Variants in ZNF423 observed in about 807,000 individuals in gnomAD.
The protein encoded by ZNF423 is zinc finger protein 423, also known as Ebf-associated zinc finger protein.
ZNF423 carries 12 observed loss-of-function variants against 95.8 expected under a neutral mutation model. The ratio of observed to expected loss-of-function variants is 0.13; its 90% CI spans 0.08 to 0.20. The LOEUF (loss-of-function observed/expected upper bound fraction) is 0.20, where lower values mean the gene tolerates loss of function less well. ZNF423 is among the 10% of genes least tolerant of loss of function. ZNF423 has a pLI of 1.00. For missense variants in ZNF423, 1,316 were observed against 1,737.1 expected (o/e 0.76, Z 4.31); for synonymous variants, 749 against 711.9 (o/e 1.05, Z -0.83).
intron 2 of ZNF423, among the ~76,000 whole-genome samples, chr16:49,766,019 G>A (rs940502623): frequency 6.6e-6 from 1 of 152,202 alleles, no homozygotes; most frequent in African/African-American, 2.4e-5. Context: ...AGCTGCACGA[G>A]AATGTGAATG....
intron 3 of ZNF423, among the ~76,000 whole-genome samples, chr16:49,672,642 C>A (rs993046567): frequency 1.3e-5 from 2 of 152,110 alleles, no homozygotes; most frequent in African/African-American, 2.4e-5. Flanking sequence ...CATGGCGAAA[C>A]CTGTCTCTAC....
intron 7 of ZNF423, chr16:49,517,791 G>A (rs914354662): frequency 3.4e-5 from 12 of 354,636 alleles, no homozygotes; most frequent in Admixed American, 8.3e-5. Flanking sequence ...TCTGTGACTC[G>A]TTGTTGTTCC....
At chr16:49,668,388 C>T (rs1049923256) in intron 3 of ZNF423, among the ~76,000 whole-genome samples, 1 of 152,198 alleles carries the variant, frequency 6.6e-6, no homozygotes, top group African/African-American at 2.4e-5. Flanking sequence ...GGGACTCCTA[C>T]CTTCCTTGCC....
intron 1 of ZNF423, among the ~76,000 whole-genome samples, chr16:49,806,315 G>A (rs755791722): frequency 6.6e-6 from 1 of 152,248 alleles, no homozygotes; most frequent in African/African-American, 2.4e-5. Context: ...GGGCACATCA[G>A]CCTGGGGCCC....
In ZNF423 at chr16:49,842,406, AAGGAAGGCAGGC is replaced by A. The variant is rs1328939589; in HGVS notation, c.40+13317_40+13328del. On this transcript the variant is annotated intron_variant, in intron 1 of 7. Coordinates refer to ENST00000563137, the MANE Select transcript of ZNF423 (RefSeq NM_001379286.1). ...GAAGGAAGGAAGGAAGGAAGGAAGGAAGGAAGGCAGGCAGGCAGGCAGGCAGGCAGGCAGGCA... is the reference window on the plus strand; with the variant it reads ...GAAGGAAGGAAGGAAGGAAGGAAGGAAGGCAGGCAGGCAGGCAGGCAGGCA... 3.8e-3 allele frequency among the ~76,000 whole-genome samples: 337 copies of A among 88,324 alleles called. 1 individual carries two copies. The highest frequency in any genetic ancestry group is 7.5e-3 in the African/African-American group (208 of 27,636). 57.9% of individuals were successfully genotyped at this position (88,324 alleles called of 152,430 possible).
intron 3 of ZNF423, 98 bp downstream of exon 3, chr16:49,730,673 A>AT: frequency 1.6e-6 from 2 of 1,275,942 alleles, no homozygotes; most frequent in Non-Finnish European, 2.3e-6. Flanking sequence ...GTAAAATTAC[A>AT]TTATTAATTC....
At chr16:49,657,086 C>G (rs1567271088) in intron 3 of ZNF423, among the ~76,000 whole-genome samples, 1 of 152,200 alleles carries the variant, frequency 6.6e-6, no homozygotes, top group African/African-American at 2.4e-5. Context: ...GGTGGCCTCC[C>G]GTGGAGCCCA....
At chr16:49,829,773 C>T (rs1183651947) in intron 1 of ZNF423, among the ~76,000 whole-genome samples, 1 of 152,126 alleles carries the variant, frequency 6.6e-6, no homozygotes, top group Non-Finnish European at 1.5e-5. Context: ...CTTGTTCTTC[C>T]TCAAAGAACA....
At chr16:49,601,192 G>A (rs1033070408) in intron 5 of ZNF423, among the ~76,000 whole-genome samples, 3 of 152,158 alleles carry the variant, frequency 2.0e-5, no homozygotes, top group African/African-American at 7.2e-5. Flanking sequence ...TCCAAATTGG[G>A]GACAATGTGG....
At chr16:49,595,289 G>A (rs1446838473) in intron 5 of ZNF423, among the ~76,000 whole-genome samples, 1 of 152,190 alleles carries the variant, frequency 6.6e-6, no homozygotes, top group African/African-American at 2.4e-5. Flanking sequence ...CTGGGACATT[G>A]TCCCTGGACA....
chr16:49,742,224 C>T (rs954927095), intron 2 of ZNF423, among the ~76,000 whole-genome samples: 9 of 152,014 alleles, frequency 5.9e-5, no homozygotes, highest in African/African-American at 2.2e-4. Flanking sequence ...CCACAAAATC[C>T]CCGGAAGGTA....
intron 3 of ZNF423, chr16:49,707,902 T>G (rs2032407895): frequency 6.6e-6 from 1 of 152,484 alleles, no homozygotes; most frequent in Non-Finnish European, 1.5e-5. Flanking sequence ...AACCTCCACC[T>G]CCCAGGTTCA....
chr16:49,790,044 G>A (rs2034387143), intron 1 of ZNF423, among the ~76,000 whole-genome samples: 1 of 152,176 alleles, frequency 6.6e-6, no homozygotes, highest in Non-Finnish European at 1.5e-5. Flanking sequence ...AAGCTGGGCA[G>A]AGATAGGGTG....
intron 1 of ZNF423, among the ~76,000 whole-genome samples, chr16:49,834,749 G>A (rs954472707): frequency 6.6e-6 from 1 of 152,118 alleles, no homozygotes; most frequent in Non-Finnish European, 1.5e-5. Context: ...GGCCGGGCCG[G>A]CTCAGCCTGC....
At position 49,659,451 on chromosome 16, in the gene ZNF423, C is replaced by T. The variant is rs184009177; in HGVS notation, c.302-20577G>A. Among the ~76,000 whole-genome samples, 178 of 152,330 alleles carry T rather than the reference C, an allele frequency of 1.2e-3. 1 individual carries two copies. Among genetic ancestry groups the T allele is most frequent in the African/African-American group, 4.1e-3 (169 of 41,574 alleles). On this transcript the variant is annotated intron_variant, in intron 3 of 7. Transcript: ENST00000563137. ...TCCTTTCACTAGACCCCCCATTTTACGATGTATTGTGCATTGTACACATCG... is the reference window on the plus strand; with the variant it reads ...TCCTTTCACTAGACCCCCCATTTTATGATGTATTGTGCATTGTACACATCG...
intron 3 of ZNF423, among the ~76,000 whole-genome samples, chr16:49,727,712 G>T (rs1247518633): frequency 6.6e-6 from 1 of 152,162 alleles, no homozygotes; most frequent in Non-Finnish European, 1.5e-5. Flanking sequence ...GGGGAGGGTT[G>T]TTCACACCCC....
chr16:49,604,221 G>A (rs772705714), intron 5 of ZNF423, among the ~76,000 whole-genome samples: 5 of 152,142 alleles, frequency 3.3e-5, no homozygotes, highest in Non-Finnish European at 5.9e-5. Flanking sequence ...AAGCACCCAC[G>A]GCCACTGACA....
chr16:49,842,313 GAAGGGA>G (rs1567368301), intron 1 of ZNF423, among the ~76,000 whole-genome samples: 1 of 37,714 alleles, frequency 2.7e-5, no homozygotes, highest in Non-Finnish European at 5.8e-5. Context: ...GGAGGCGAGG[GAAGGGA>G]AGGGAAGGGA....
chr16:49,767,578 T>A (rs547327288), intron 2 of ZNF423, among the ~76,000 whole-genome samples: 1 of 152,232 alleles, frequency 6.6e-6, no homozygotes, highest in African/African-American at 2.4e-5. Flanking sequence ...CATCCACAAC[T>A]GATAAAAAAG....
Sources: gnomAD v4.1 joint callset for allele counts (sites outside exome capture counted in the v4.1 genomes callset) on GRCh38, gnomAD v4.1.1 for gene constraint, MANE v1.5 for transcripts, NCBI Gene and HGNC (gene_info 2026-07-23, HGNC 2026-07-21) for gene names.